Variants in INTS2 observed in about 807,000 individuals in gnomAD.
The protein encoded by INTS2 is KIAA1287.
A neutral mutation model predicts 139.6 loss-of-function variants in INTS2; 57 were observed. That is an observed-to-expected ratio of 0.41 (90% CI 0.33 to 0.51). INTS2 has a LOEUF of 0.51. Ranked by LOEUF, INTS2 falls within the 20% of genes least tolerant of loss-of-function variation. The probability of loss-of-function intolerance (pLI) is 0.28; values close to 1 mark genes in which losing one functional copy is unlikely to be tolerated. For synonymous variants in INTS2, 473 were observed against 493.4 expected (o/e 0.96, Z 0.55); for missense variants, 1,196 against 1,436.7 (o/e 0.83, Z 2.71).
At chr17:61,913,939 A>C (rs1306466884) in intron 5 of INTS2, among the ~76,000 whole-genome samples, 4 of 152,144 alleles carry the variant, frequency 2.6e-5, no homozygotes, top group Admixed American at 1.3e-4. Context: ...ATGTAAAAGT[A>C]AAATCCATGA....
Position 61,872,361 on chromosome 17 carries a change from A to G in INTS2, c.2682T>C (p.Asp894=). 1 of 1,612,968 alleles carries G rather than the reference A, an allele frequency of 6.2e-7. No individual in the cohort carries two copies. Among genetic ancestry groups the G allele is most frequent in the Non-Finnish European group, 8.5e-7 (1 of 1,179,094 alleles). Residue 894 remains aspartate, a synonymous_variant, in exon 20 of 25, where the codon GAT becomes GAC. Coordinates refer to ENST00000251334, the MANE Select transcript of INTS2 (RefSeq NM_001351695.2). The surrounding 1 kb of genome is among the most constrained non-coding windows in gnomAD (Gnocchi z 4.8). ...LSAHLKETEQ[D]RPSQNNTIGL... ...CAATTGTATTATTCTGGGAAGGCCT[A>G]TCTTGCTCTGTTTCCTTCAGATGAG...
At chr17:61,880,533 C>T (rs1279437892) in intron 17 of INTS2, among the ~76,000 whole-genome samples, 1 of 152,062 alleles carries the variant, frequency 6.6e-6, no homozygotes, top group Non-Finnish European at 1.5e-5. Context: ...AGGAGGATCA[C>T]TCAAACTTAC....
At chr17:61,902,947 G>A (rs1362687796) in intron 9 of INTS2, among the ~76,000 whole-genome samples, 6 of 150,372 alleles carry the variant, frequency 4.0e-5, no homozygotes, top group South Asian at 4.2e-4. Context: ...CGGGTGGATC[G>A]CGAGGTCAGG....
At chr17:61,898,376 C>T (rs1243363643) in intron 9 of INTS2, among the ~76,000 whole-genome samples, 1 of 152,068 alleles carries the variant, frequency 6.6e-6, no homozygotes, top group Non-Finnish European at 1.5e-5. Context: ...CTCACTATAG[C>T]CTCGACCACC....
At chr17:61,895,486 A>C in intron 11 of INTS2, 103 bp from the exon 12 acceptor site, 2 of 624,120 alleles carry the variant, frequency 3.2e-6, no homozygotes, top group Non-Finnish European at 5.4e-6. Flanking sequence ...AAATGTTCAA[A>C]TGTTCAAGTA....
rs201059683 is a variant in INTS2, at chr17:61,881,146, G to T, written c.2115C>A (p.Leu705=). The change falls in exon 17 of 25, where the codon CTC becomes CTA. Residue 705 remains leucine (L), a synonymous_variant. Coordinates refer to ENST00000251334, the MANE Select transcript of INTS2 (RefSeq NM_001351695.2). ...LGGLHSALLR[L]LATNYPHLCI... is the part of the protein sequence containing the mutation. ...ATAAATGTGGGTAGTTAGTAGCAAG[G>T]AGACGTAGTAAAGCTGAATGCAACC... 4 of 1,613,208 alleles carry T rather than the reference G, an allele frequency of 2.5e-6. No homozygotes were observed. The highest frequency in any genetic ancestry group is 3.4e-6 in the Non-Finnish European group (4 of 1,179,580).
chr17:61,871,893 C>T lies in INTS2; in HGVS notation c.2778+372G>A, dbSNP rs1567887489. ...ATGTTGCCATGAGCCAAGATTACACCTCTGCACTCCAGCCTGGGTGACAGG... is the reference window on the plus strand; with the variant it reads ...ATGTTGCCATGAGCCAAGATTACACTTCTGCACTCCAGCCTGGGTGACAGG... On this transcript the variant is annotated intron_variant, in intron 20 of 24. Coordinates refer to ENST00000251334, the MANE Select transcript of INTS2 (RefSeq NM_001351695.2). This position sits in a 1 kb window ranked among gnomAD's most constrained non-coding sequence, Gnocchi z 4.9. The T allele has an allele frequency of 6.4e-6, 1 of 155,210 alleles. No homozygotes were observed. The highest frequency in any genetic ancestry group is 2.4e-5 in the African/African-American group (1 of 41,508). 9.6% of individuals were successfully genotyped at this position (155,210 alleles called of 1,614,324 possible). A position where few individuals can be genotyped will look rare whatever the true frequency, so the allele number is the denominator to read the frequency against.
intron 15 of INTS2, among the ~76,000 whole-genome samples, chr17:61,887,338 T>C (rs4968456): frequency 0.28 from 42,201 of 151,644 alleles, 7,535 homozygotes; most frequent in East Asian, 0.54. Flanking sequence ...CAAAATTCAG[T>C]GGGGCGTGTT....
At position 61,871,647 on chromosome 17, in the gene INTS2, A is replaced by C. The variant is rs2079089466; in HGVS notation, c.2778+618T>G. On this transcript the variant is annotated intron_variant, in intron 20 of 24. Coordinates refer to ENST00000251334, the MANE Select transcript of INTS2 (RefSeq NM_001351695.2). The surrounding 1 kb of genome is among the most constrained non-coding windows in gnomAD (Gnocchi z 4.9). ...TAGGTGTCCCAGTAAATATTGGTTG[A>C]ATGAGGCCGGGTGCCGTGGCTCATG... Among the ~76,000 whole-genome samples the C allele has an allele frequency of 6.6e-6, 1 of 152,088 alleles. No individual in the cohort carries two copies. The highest frequency in any genetic ancestry group is 2.4e-5 in the African/African-American group (1 of 41,412).
intron 16 of INTS2, 89 bp downstream of exon 16, chr17:61,884,812 C>A: frequency 1.3e-6 from 1 of 780,644 alleles, no homozygotes; most frequent in Non-Finnish European, 2.1e-6. Context: ...GAATTTTTAA[C>A]ATTAAGCACC....
chr17:61,884,848 A>G, intron 16 of INTS2, 53 bp downstream of exon 16: 1 of 1,097,432 alleles, frequency 9.1e-7, no homozygotes. Flanking sequence ...CATTATAAAC[A>G]GAAAGGTTTT....
Position 61,876,388 on chromosome 17 carries a change from T to C in INTS2, c.2457-1350A>G, listed in dbSNP as rs1356078886. On this transcript the variant is annotated intron_variant, in intron 18 of 24. Coordinates refer to ENST00000251334, the MANE Select transcript of INTS2 (RefSeq NM_001351695.2). This position sits in a 1 kb window ranked among gnomAD's most constrained non-coding sequence, Gnocchi z 4.1. ...GGAATCCAACAAAGAAGAGTGACAATAGCAATTTGTCCCAGATGGGAACAT... is the reference window on the plus strand; with the variant it reads ...GGAATCCAACAAAGAAGAGTGACAACAGCAATTTGTCCCAGATGGGAACAT... Among the ~76,000 whole-genome samples the C allele has an allele frequency of 1.3e-5, 2 of 151,454 alleles. No homozygotes were observed. Among genetic ancestry groups the C allele is most frequent in the Admixed American group, 6.6e-5 (1 of 15,190 alleles).
chr17:61,903,935 A>G (rs2079434420), intron 9 of INTS2, among the ~76,000 whole-genome samples: 2 of 152,204 alleles, frequency 1.3e-5, no homozygotes, highest in African/African-American at 4.8e-5. Flanking sequence ...AAATACAAAC[A>G]TATTATTACA....
rs772890173 is a variant in INTS2, at chr17:61,907,548, T to C, written c.1041A>G (p.Arg347=). The stretch of plus-strand genomic sequence containing the variant: ...CAGCTTCTTCCACAATTCGGGTGCT[T>C]CTTACTGTGGGAAGAATGCCCATCA... ...LELMGILPTV[R]STRIVEEADV... is the part of the protein sequence containing the mutation. Residue 347 remains arginine (R), a synonymous_variant, in exon 8 of 25, where the codon AGA becomes AGG. Coordinates refer to ENST00000251334, the MANE Select transcript of INTS2 (RefSeq NM_001351695.2). 3 of 1,594,516 alleles carry C rather than the reference T, an allele frequency of 1.9e-6. No individual in the cohort carries two copies. The highest frequency in any genetic ancestry group is 1.7e-4 in the Middle Eastern group (1 of 6,036).
intron 12 of INTS2, among the ~76,000 whole-genome samples, chr17:61,894,929 T>G (rs1320689557): frequency 1.3e-5 from 2 of 152,134 alleles, no homozygotes; most frequent in African/African-American, 4.8e-5. Context: ...TATAAGAAAT[T>G]TAGACTCTAG....
chr17:61,922,334 G>C (rs1410435800), intron 3 of INTS2, among the ~76,000 whole-genome samples: 1 of 141,530 alleles, frequency 7.1e-6, no homozygotes, highest in Non-Finnish European at 1.5e-5. Flanking sequence ...AGCCAAGCAT[G>C]GTGGCCATCT....
intron 13 of INTS2, 36 bp from the exon 14 acceptor site, chr17:61,891,725 G>A: frequency 1.3e-5 from 19 of 1,485,592 alleles, no homozygotes; most frequent in Middle Eastern, 1.8e-4. Context: ...AATTAATTGT[G>A]GCAAAAAGAA....
chr17:61,872,260 TTTACCTGAGCG>T lies in INTS2; in HGVS notation c.2772_2778+4del. On this transcript the variant is annotated splice_donor_variant and splice_donor_region_variant and coding_sequence_variant and intron_variant, in exon 20 of 25. Transcript: ENST00000251334. LOFTEE classifies it high-confidence loss of function. This position sits in a 1 kb window ranked among gnomAD's most constrained non-coding sequence, Gnocchi z 4.8. ...TTGACTAAATTTTACTTTAGCAAAATTTACCTGAGCGGCCAGTAATGCATTTTTCAATTCTT... is the reference window on the plus strand; with the variant it reads ...TTGACTAAATTTTACTTTAGCAAAATGCCAGTAATGCATTTTTCAATTCTT... The T allele has an allele frequency of 6.2e-7, 1 of 1,605,832 alleles. No homozygotes were observed. Among genetic ancestry groups the T allele is most frequent in the Non-Finnish European group, 8.5e-7 (1 of 1,174,538 alleles).
intron 5 of INTS2, among the ~76,000 whole-genome samples, chr17:61,913,273 G>A (rs1302242512): frequency 6.6e-6 from 1 of 151,426 alleles, no homozygotes; most frequent in East Asian, 1.9e-4. Flanking sequence ...CAGGGGAGGC[G>A]GAGGTTGCCG....
Sources: gnomAD v4.1 joint callset for allele counts (sites outside exome capture counted in the v4.1 genomes callset) on GRCh38, gnomAD v4.1.1 for gene constraint, Gnocchi (gnomAD v3.1) non-coding constraint, MANE v1.5 for transcripts, NCBI Gene and HGNC (gene_info 2026-07-23, HGNC 2026-07-21) for gene names.